Variants in SFXN1 observed in about 807,000 individuals in gnomAD.
SFXN1 encodes sideroflexin 1, also known as sideroflexin-1.
SFXN1 carries 32 observed loss-of-function variants against 39.5 expected under a neutral mutation model. The ratio of observed to expected loss-of-function variants is 0.81; its 90% confidence interval spans 0.61 to 1.09. SFXN1 has a LOEUF of 1.09. Ranked by LOEUF, SFXN1 falls within the 50% of genes least tolerant of loss-of-function variation. The pLI is 0.00. For synonymous variants in SFXN1, 136 were observed against 146.5 expected (o/e 0.93, Z 0.52); for missense variants, 402 against 407.1 (o/e 0.99, Z 0.11).
At chr5:175,511,337 T>C in intron 4 of SFXN1, 114 bp from the exon 5 acceptor site, 2 of 810,472 alleles carry the variant, frequency 2.5e-6, no homozygotes, top group Non-Finnish European at 4.1e-6. Context: ...TTTTGTAGAC[T>C]CTTCATTCTG....
intron 7 of SFXN1, among the ~76,000 whole-genome samples, chr5:175,514,166 G>T (rs1195695750): frequency 6.6e-6 from 1 of 152,158 alleles, no homozygotes; most frequent in Non-Finnish European, 1.5e-5. Flanking sequence ...AGTGGAGGCT[G>T]TGCGGGGAGG....
chr5:175,482,299 T>C (rs267368), intron 1 of SFXN1, among the ~76,000 whole-genome samples: 87,123 of 152,066 alleles, frequency 0.57, 25,362 homozygotes, highest in Non-Finnish European at 0.61. Flanking sequence ...TCCAGCTTAA[T>C]AACGCAGTTA....
chr5:175,495,685 C>T (rs1759831012), intron 2 of SFXN1, among the ~76,000 whole-genome samples: 3 of 149,332 alleles, frequency 2.0e-5, no homozygotes, highest in Admixed American at 2.0e-4. Context: ...CTTGAGATCG[C>T]ACCACTGCAC....
At chr5:175,500,403 A>AACAC (rs4008099) in intron 2 of SFXN1, among the ~76,000 whole-genome samples, 7,574 of 127,074 alleles carry the variant, frequency 0.06, 274 homozygotes, top group Middle Eastern at 0.092. Flanking sequence ...CCTGTACACC[A>AACAC]ACACACACAC....
chr5:175,508,857 T>A (rs2652189), intron 2 of SFXN1, among the ~76,000 whole-genome samples, 175 bp from the exon 3 acceptor site: 1 of 151,170 alleles, frequency 6.6e-6, no homozygotes, highest in African/African-American at 2.4e-5. Context: ...GGATGATCTC[T>A]ATCTCTTGAC....
intron 5 of SFXN1, among the ~76,000 whole-genome samples, 174 bp from the exon 6 acceptor site, chr5:175,511,937 C>T (rs995573308): frequency 6.6e-6 from 1 of 152,170 alleles, no homozygotes; most frequent in Non-Finnish European, 1.5e-5. Context: ...TCCCAGCACA[C>T]CCATGTGGGA....
At chr5:175,489,731 A>G (rs988140376) in intron 1 of SFXN1, among the ~76,000 whole-genome samples, 2 of 152,126 alleles carry the variant, frequency 1.3e-5, no homozygotes, top group Non-Finnish European at 2.9e-5. Context: ...AAAAAGACAA[A>G]TATTATCCTC....
At chr5:175,513,187 C>T (rs1348142912) in intron 6 of SFXN1, among the ~76,000 whole-genome samples, 1 of 150,930 alleles carries the variant, frequency 6.6e-6, no homozygotes, top group Non-Finnish European at 1.5e-5. Context: ...GTAATTCTAG[C>T]TACTCGGGAG....
intron 8 of SFXN1, among the ~76,000 whole-genome samples, chr5:175,521,483 A>G (rs1044734504): frequency 1.3e-5 from 2 of 152,186 alleles, no homozygotes; most frequent in African/African-American, 4.8e-5. Context: ...TTCATTTTGT[A>G]CCATCACAAG....
intron 2 of SFXN1, among the ~76,000 whole-genome samples, chr5:175,493,002 C>T (rs1759715637): frequency 6.6e-6 from 1 of 152,076 alleles, no homozygotes; most frequent in Non-Finnish European, 1.5e-5. Context: ...GCCTGTAATC[C>T]CAGCCCTTTG....
At chr5:175,495,958 T>G (rs184982971) in intron 2 of SFXN1, among the ~76,000 whole-genome samples, 1 of 147,364 alleles carries the variant, frequency 6.8e-6, no homozygotes, top group Non-Finnish European at 1.5e-5. Flanking sequence ...TGGAGTGTAG[T>G]GGCGCAATCT....
intron 8 of SFXN1, among the ~76,000 whole-genome samples, chr5:175,519,413 G>C (rs1289776561): frequency 6.6e-6 from 1 of 152,198 alleles, no homozygotes; most frequent in South Asian, 2.1e-4. Flanking sequence ...AGCTTTATTT[G>C]TAATAGCCAA....
intron 1 of SFXN1, among the ~76,000 whole-genome samples, chr5:175,482,304 C>T (rs2113251215): frequency 6.6e-6 from 1 of 152,302 alleles, no homozygotes; most frequent in South Asian, 2.1e-4. Flanking sequence ...CTTAATAACG[C>T]AGTTATCATT....
At chr5:175,514,581 A>G (rs1313245635) in intron 7 of SFXN1, among the ~76,000 whole-genome samples, 2 of 152,228 alleles carry the variant, frequency 1.3e-5, no homozygotes, top group African/African-American at 2.4e-5. Flanking sequence ...AAGCTCTCCA[A>G]TGAAGTATAC....
intron 8 of SFXN1, among the ~76,000 whole-genome samples, chr5:175,519,097 T>TA (rs1760802224): frequency 6.6e-6 from 1 of 152,194 alleles, no homozygotes; most frequent in Non-Finnish European, 1.5e-5. Context: ...CTCAAGCACC[T>TA]AAAAAATGCT....
At chr5:175,519,738 A>T (rs1475853844) in intron 8 of SFXN1, among the ~76,000 whole-genome samples, 1 of 152,036 alleles carries the variant, frequency 6.6e-6, no homozygotes, top group African/African-American at 2.4e-5. Flanking sequence ...GATTGTGCTT[A>T]TGGCTTCACA....
chr5:175,493,676 G>A (rs573608319), intron 2 of SFXN1, among the ~76,000 whole-genome samples: 7 of 152,318 alleles, frequency 4.6e-5, no homozygotes, highest in African/African-American at 1.4e-4. Context: ...TGCCAAGAAC[G>A]TACAAATGTA....
At chr5:175,484,448 G>A (rs1264290333) in intron 1 of SFXN1, among the ~76,000 whole-genome samples, 4 of 152,234 alleles carry the variant, frequency 2.6e-5, no homozygotes, top group Non-Finnish European at 4.4e-5. Context: ...GGTGTGCGGG[G>A]CACATGCCCT....
chr5:175,489,570 G>A (rs1311883519), intron 1 of SFXN1, among the ~76,000 whole-genome samples: 1 of 152,200 alleles, frequency 6.6e-6, no homozygotes, highest in East Asian at 1.9e-4. Context: ...TACATTTCTT[G>A]TATCCCCATG....
Sources: allele counts gnomAD v4.1 joint callset (sites outside exome capture counted in the v4.1 genomes callset), GRCh38; gene constraint gnomAD v4.1.1; transcripts MANE v1.5; gene names NCBI Gene and HGNC (gene_info 2026-07-23, HGNC 2026-07-21).